Variants in PLXNA4 observed in about 807,000 individuals in gnomAD.
PLXNA4 encodes the protein plexin A4.
Under a neutral mutation model 191.8 loss-of-function variants are expected in PLXNA4, and 44 were observed. The observed-to-expected ratio is 0.23, with a 90% CI of 0.18 to 0.29. The LOEUF is 0.29. PLXNA4 is among the 10% of genes least tolerant of loss of function. The pLI, the probability that PLXNA4 is intolerant of heterozygous loss-of-function variation, is 1.00. For synonymous variants in PLXNA4, 1,082 were observed against 1,009.5 expected, an observed-to-expected ratio of 1.07 and a Z score of -1.36; for missense variants, 1,800 against 2,488.8, an observed-to-expected ratio of 0.72 and a Z score of 5.89.
intron 30 of PLXNA4, among the ~76,000 whole-genome samples, chr7:132,135,512 G>A (rs1228113464): frequency 1.3e-5 from 2 of 152,172 alleles, no homozygotes; most frequent in East Asian, 1.9e-4. Context: ...GAGGTGTAAG[G>A]AATCCTCGGT....
intron 3 of PLXNA4, among the ~76,000 whole-genome samples, chr7:132,334,826 G>C (rs1000614486): frequency 3.3e-5 from 5 of 152,136 alleles, no homozygotes; most frequent in African/African-American, 1.2e-4. Context: ...CCAGAACATC[G>C]GCATTGAATG....
At chr7:132,550,703 G>A (rs927416727) in intron 1 of PLXNA4, among the ~76,000 whole-genome samples, 1 of 152,188 alleles carries the variant, frequency 6.6e-6, no homozygotes, top group Non-Finnish European at 1.5e-5. Context: ...TCAGCGGGAG[G>A]AGGAAAGGAA....
intron 3 of PLXNA4, among the ~76,000 whole-genome samples, chr7:132,355,120 G>T (rs1247017648): frequency 6.6e-6 from 1 of 152,142 alleles, no homozygotes; most frequent in Non-Finnish European, 1.5e-5. Flanking sequence ...ATGAAGCCTT[G>T]CTCCCAAGCC....
intron 3 of PLXNA4, among the ~76,000 whole-genome samples, chr7:132,306,728 A>G (rs758037316): frequency 6.6e-6 from 1 of 152,168 alleles, no homozygotes; most frequent in Non-Finnish European, 1.5e-5. Context: ...ACCAGGAGAC[A>G]CAAATGCACA....
intron 20 of PLXNA4, among the ~76,000 whole-genome samples, 179 bp downstream of exon 20, chr7:132,179,508 C>T (rs1387746791): frequency 1.3e-5 from 2 of 150,910 alleles, no homozygotes; most frequent in African/African-American, 4.9e-5. Flanking sequence ...TGCACACACA[C>T]ACATGCACAC....
intron 2 of PLXNA4, among the ~76,000 whole-genome samples, chr7:132,610,345 G>T (rs1167282457): frequency 6.6e-6 from 1 of 152,184 alleles, no homozygotes; most frequent in Non-Finnish European, 1.5e-5. Context: ...ACTGGGAAGT[G>T]GAGCTATGCT....
chr7:132,149,543 C>T (rs1795533562), intron 25 of PLXNA4, among the ~76,000 whole-genome samples: 1 of 152,198 alleles, frequency 6.6e-6, no homozygotes, highest in Admixed American at 6.5e-5. Context: ...GCTCACGCAT[C>T]CACACATACC....
chr7:132,161,466 T>C (rs1301198570), intron 24 of PLXNA4, among the ~76,000 whole-genome samples: 1 of 152,346 alleles, frequency 6.6e-6, no homozygotes, highest in Middle Eastern at 3.4e-3. Flanking sequence ...ATGATTTCTC[T>C]GCCAGGGAAG....
At chr7:132,403,943 G>C (rs901997174) in intron 3 of PLXNA4, among the ~76,000 whole-genome samples, 3 of 152,162 alleles carry the variant, frequency 2.0e-5, no homozygotes, top group Non-Finnish European at 2.9e-5. Flanking sequence ...CATTCAGTAG[G>C]GGCGGGACTC....
At chr7:132,614,410 T>A (rs1209441949) in intron 2 of PLXNA4, among the ~76,000 whole-genome samples, 1 of 152,214 alleles carries the variant, frequency 6.6e-6, no homozygotes, top group Non-Finnish European at 1.5e-5. Context: ...GGGAGTGGGT[T>A]TAAGCAGGCC....
At chr7:132,226,039 T>G in intron 8 of PLXNA4, 122 bp downstream of exon 8, 2 of 840,480 alleles carry the variant, frequency 2.4e-6, no homozygotes, top group Admixed American at 2.2e-5. Flanking sequence ...GGAGAGGGAG[T>G]GAAGGAGGCC....
intron 15 of PLXNA4, among the ~76,000 whole-genome samples, chr7:132,187,182 C>T (rs571300002): frequency 4.6e-5 from 7 of 152,098 alleles, no homozygotes; most frequent in African/African-American, 1.7e-4. Flanking sequence ...TAACCCCCCG[C>T]CTGCCAAATT....
chr7:132,561,774 T>C (rs1801117592), intron 1 of PLXNA4, among the ~76,000 whole-genome samples: 1 of 133,622 alleles, frequency 7.5e-6, no homozygotes, highest in Non-Finnish European at 1.6e-5. Flanking sequence ...CTCCTCCTTC[T>C]CCCCCTCGTC....
At chr7:132,312,041 A>G (rs933779323) in intron 3 of PLXNA4, among the ~76,000 whole-genome samples, 1 of 151,898 alleles carries the variant, frequency 6.6e-6, no homozygotes, top group African/African-American at 2.4e-5. Context: ...ACCCAGCTTT[A>G]AGCCACCCCC....
chr7:132,633,457 A>G (rs989257633), intron 2 of PLXNA4, among the ~76,000 whole-genome samples: 1 of 151,952 alleles, frequency 6.6e-6, no homozygotes, highest in African/African-American at 2.4e-5. Context: ...TAATTTTTGT[A>G]TTTTTAGTAG....
Position 132,237,439 on chromosome 7 carries a change from A to G in PLXNA4, c.1604+3627T>C, listed in dbSNP as rs1156252963. 4.6e-5 allele frequency among the ~76,000 whole-genome samples: 7 copies of G among 152,128 alleles called. No individual in the cohort carries two copies. The East Asian group carries it at 9.7e-4, about 21-fold the overall frequency. ...TGGGGGAAGACAAGATTTTACCCCC[A>G]CCTTCTTATAGTTGCCAGGGGGCTC... On this transcript the variant is annotated intron_variant, in intron 5 of 31. Coordinates refer to ENST00000321063, the MANE Select transcript of PLXNA4 (RefSeq NM_020911.2).
chr7:132,163,889 C>T (rs1046804733), intron 24 of PLXNA4, among the ~76,000 whole-genome samples: 1 of 152,212 alleles, frequency 6.6e-6, no homozygotes, highest in Admixed American at 6.5e-5. Flanking sequence ...GGTCAGAAAC[C>T]CCCAGTTCAT....
At chr7:132,296,603 C>T (rs1801090894) in intron 4 of PLXNA4, among the ~76,000 whole-genome samples, 1 of 152,090 alleles carries the variant, frequency 6.6e-6, no homozygotes, top group African/African-American at 2.4e-5. Flanking sequence ...TGAAAGTCCT[C>T]TTATGTTTTA....
intron 3 of PLXNA4, among the ~76,000 whole-genome samples, chr7:132,415,049 A>T (rs1389431883): frequency 3.3e-5 from 5 of 152,184 alleles, no homozygotes; most frequent in African/African-American, 1.2e-4. Flanking sequence ...GCCGTCTCTT[A>T]TTCTGCCCTT....
Sources: allele counts gnomAD v4.1 joint callset (sites outside exome capture counted in the v4.1 genomes callset), GRCh38; gene constraint gnomAD v4.1.1; transcripts MANE v1.5; gene names NCBI Gene and HGNC (gene_info 2026-07-23, HGNC 2026-07-21).